ZMYND11: variants seen among roughly 807,000 people sequenced by gnomAD.
ZMYND11 encodes the protein zinc finger MYND domain-containing protein 11.
A neutral mutation model predicts 84.9 loss-of-function variants in ZMYND11; 9 were observed. The observed-to-expected ratio is 0.11, with a 90% CI of 0.06 to 0.18. The LOEUF (loss-of-function observed/expected upper bound fraction) is 0.18, where lower values mean the gene tolerates loss of function less well. Among genes scored for constraint, ZMYND11 ranks in the 10% least tolerant of loss-of-function variants. ZMYND11 has a pLI of 1.00. For missense variants in ZMYND11, 409 were observed against 761.0 expected (o/e 0.54, Z 5.44); for synonymous variants, 250 against 244.1 (o/e 1.02, Z -0.23).
At chr10:147,911 T>C (rs1351869135) in intron 1 of ZMYND11, 1 of 152,192 alleles carries the variant, frequency 6.6e-6, no homozygotes, top group Non-Finnish European at 1.5e-5. Flanking sequence ...CTGCCTGTCC[T>C]GTAGTCAGCT....
At chr10:174,081 A>G (rs1845996624) in intron 1 of ZMYND11, among the ~76,000 whole-genome samples, 1 of 152,196 alleles carries the variant, frequency 6.6e-6, no homozygotes, top group South Asian at 2.1e-4. Flanking sequence ...TTGAAAACTT[A>G]TGTGCACATA....
At chr10:236,392 AAGTG>A (rs1949974635) in intron 4 of ZMYND11, among the ~76,000 whole-genome samples, 1 of 152,350 alleles carries the variant, frequency 6.6e-6, no homozygotes, top group East Asian at 1.9e-4. Context: ...GCGCTGTGCA[AAGTG>A]AGTGACACAG....
chr10:223,011 C>A (rs1947401289), intron 4 of ZMYND11, among the ~76,000 whole-genome samples: 2 of 137,884 alleles, frequency 1.5e-5, no homozygotes, highest in Middle Eastern at 3.6e-3. Context: ...TTGTCTGATT[C>A]CATTTTGTGT....
chr10:134,865 G>C (rs1286527682), upstream of ZMYND11: 1 of 151,960 alleles, frequency 6.6e-6, no homozygotes, highest in Admixed American at 6.6e-5. Context: ...ATTTCGGATA[G>C]AGGCGCCGAA....
In ZMYND11 at chr10:248,356, A is replaced by G. The variant is rs1952617516; in HGVS notation, c.1248A>G (p.Glu416=). The G allele has an allele frequency of 1.9e-6, 3 of 1,613,714 alleles. No homozygotes were observed. In the South Asian group the frequency reaches 3.3e-5, roughly 18 times the overall value. Reference sequence around the variant, plus strand: ...TTTAGGAACCAGAGCCTGAAACAGAAGCAGTAAGTTCTAGCCAGGAAATAC... The same window carrying G: ...TTTAGGAACCAGAGCCTGAAACAGAGGCAGTAAGTTCTAGCCAGGAAATAC... The part of the protein sequence containing the change: ...PKKEEPEPET[E]AVSSSQEIPT... The change falls in exon 13 of 15, where the codon GAA becomes GAG. Residue 416 remains glutamate, a synonymous_variant. Coordinates refer to ENST00000381604, the MANE Select transcript of ZMYND11 (RefSeq NM_001370100.5).
chr10:242,621 T>A (rs1347517317), intron 10 of ZMYND11, among the ~76,000 whole-genome samples: 2 of 152,208 alleles, frequency 1.3e-5, no homozygotes, highest in Admixed American at 6.5e-5. Flanking sequence ...ATTTATTTGG[T>A]TCATTTAACA....
In ZMYND11 at chr10:254,291, T is replaced by G. The variant is rs1032239021; in HGVS notation, c.*1821T>G. ...CATGAAAGTGAGATTCGTGTTACTT[T>G]GGCTTTTCTGTCTCTGTTGACACGG... On this transcript the variant is annotated 3_prime_UTR_variant, in exon 15 of 15. Transcript: ENST00000381604. The G allele has an allele frequency of 1.3e-5, 2 of 152,654 alleles. No homozygotes were observed. Among genetic ancestry groups the G allele is most frequent in the African/African-American group, 2.4e-5 (1 of 41,442 alleles). 9.5% of individuals were successfully genotyped at this position (152,654 alleles called of 1,614,324 possible).
At chr10:150,003 A>C (rs1588453420) in intron 1 of ZMYND11, among the ~76,000 whole-genome samples, 1 of 152,272 alleles carries the variant, frequency 6.6e-6, no homozygotes, top group East Asian at 1.9e-4. Flanking sequence ...GTGCTGCTGG[A>C]TTCGGTTTGC....
rs61836337 is a variant in ZMYND11 at position 170,619 on chromosome 10, T to C, written c.-19-9375T>C. On this transcript the variant is annotated intron_variant, in intron 1 of 14. Transcript: ENST00000381604. ...GAAGCAGTATAATGTTATTCGAAAGTGGACTTGGGTTAATTGTAATGTATG... is the reference window on the plus strand; with the variant it reads ...GAAGCAGTATAATGTTATTCGAAAGCGGACTTGGGTTAATTGTAATGTATG... Among the ~76,000 whole-genome samples the C allele has an allele frequency of 6.2e-3, 941 of 152,198 alleles. 4 individuals carry two copies. The highest frequency in any genetic ancestry group is 0.01 in the Non-Finnish European group (710 of 67,982).
chr10:174,371 G>C (rs1846070213), intron 1 of ZMYND11, among the ~76,000 whole-genome samples: 1 of 152,250 alleles, frequency 6.6e-6, no homozygotes, highest in African/African-American at 2.4e-5. Context: ...GTAGTAAAAA[G>C]ACCAGTGGTT....
intron 1 of ZMYND11, among the ~76,000 whole-genome samples, chr10:177,017 A>C (rs1020943407): frequency 6.6e-6 from 1 of 152,140 alleles, no homozygotes; most frequent in Admixed American, 6.6e-5. Flanking sequence ...TTTATTGATG[A>C]ACACTCAAAT....
At chr10:194,792 A>G (rs917047061) in intron 2 of ZMYND11, among the ~76,000 whole-genome samples, 2 of 152,204 alleles carry the variant, frequency 1.3e-5, no homozygotes, top group African/African-American at 2.4e-5. Context: ...AGCTCTATAT[A>G]TATTCCAGAT....
chr10:195,870 T>C (rs1039932221), intron 2 of ZMYND11, among the ~76,000 whole-genome samples: 2 of 152,216 alleles, frequency 1.3e-5, no homozygotes, highest in African/African-American at 4.8e-5. Context: ...ATTTCTTATA[T>C]GTGTAATTTC....
chr10:249,574 A>ACT, intron 14 of ZMYND11: 1 of 985,114 alleles, frequency 1.0e-6, no homozygotes, highest in Non-Finnish European at 1.2e-6. Flanking sequence ...TTGGTCTCTA[A>ACT]CTACCCTCCC....
chr10:208,854 T>C (rs1164627935), intron 2 of ZMYND11, among the ~76,000 whole-genome samples: 2 of 152,192 alleles, frequency 1.3e-5, no homozygotes, highest in Non-Finnish European at 2.9e-5. Context: ...TATGAGGCAT[T>C]ACTCCCCTGA....
chr10:248,989 G>A lies in ZMYND11; in HGVS notation c.1587G>A (p.Lys529=). The stretch of plus-strand genomic sequence containing the variant: ...AGGGTGAGATGGACAGAAAATGTAA[G>A]CAAGTAAAGGAAAAGTGTAAGGAAG... ...NMQGEMDRKC[K]QVKEKCKEEF... is the part of the protein sequence containing the mutation. The change falls in exon 14 of 15, where the codon AAG becomes AAA. Residue 529 remains lysine, a synonymous_variant. Coordinates refer to ENST00000381604, the MANE Select transcript of ZMYND11 (RefSeq NM_001370100.5). The A allele has an allele frequency of 1.2e-6, 2 of 1,614,204 alleles. No individual in the cohort carries two copies. Among genetic ancestry groups the A allele is most frequent in the Non-Finnish European group, 1.7e-6 (2 of 1,180,024 alleles).
chr10:217,636 G>GT (rs1441384576), intron 3 of ZMYND11, among the ~76,000 whole-genome samples: 3 of 152,090 alleles, frequency 2.0e-5, no homozygotes, highest in Admixed American at 6.6e-5. Context: ...GACTTGGTCA[G>GT]TTCCTGTTCT....
chr10:190,211 T>G (rs925332190), intron 2 of ZMYND11, among the ~76,000 whole-genome samples: 1 of 152,218 alleles, frequency 6.6e-6, no homozygotes, highest in African/African-American at 2.4e-5. Context: ...ATGACTTTCT[T>G]GCCTGTTTTT....
At chr10:163,142 G>A (rs782551303) in intron 1 of ZMYND11, among the ~76,000 whole-genome samples, 9 of 152,058 alleles carry the variant, frequency 5.9e-5, no homozygotes, top group Non-Finnish European at 1.2e-4. Context: ...AGACATTTAG[G>A]TTGAAAATAC....
Sources: allele counts gnomAD v4.1 joint callset (sites outside exome capture counted in the v4.1 genomes callset), GRCh38; gene constraint gnomAD v4.1.1; transcripts MANE v1.5; gene names NCBI Gene and HGNC (gene_info 2026-07-23, HGNC 2026-07-21).